The following PTPRD variants were observed in gnomAD, a reference collection of about 807,000 sequenced individuals.
PTPRD encodes the protein protein tyrosine phosphatase receptor type D.
Under a neutral mutation model 214.5 loss-of-function variants are expected in PTPRD, and 34 were observed. The ratio of observed to expected loss-of-function variants is 0.16; its 90% CI spans 0.12 to 0.21. The LOEUF (loss-of-function observed/expected upper bound fraction) is 0.21, where lower values mean the gene tolerates loss of function less well. Ranked by LOEUF, PTPRD falls within the 10% of genes least tolerant of loss-of-function variation. PTPRD has a pLI of 1.00. For missense variants in PTPRD, 2,545 were observed against 2,398.7 expected (o/e 1.06, Z -1.27); for synonymous variants, 1,128 against 845.7 (o/e 1.33, Z -5.79).
At chr9:9,235,786 C>A (rs1238501067) in intron 9 of PTPRD, among the ~76,000 whole-genome samples, 1 of 152,136 alleles carries the variant, frequency 6.6e-6, no homozygotes, top group Admixed American at 6.5e-5. Flanking sequence ...TCCTTCCTTT[C>A]CAAATTCAGA....
intron 9 of PTPRD, among the ~76,000 whole-genome samples, chr9:9,197,045 C>G (rs948837581): frequency 8.5e-5 from 13 of 152,100 alleles, no homozygotes; most frequent in African/African-American, 3.1e-4. Flanking sequence ...CACAAATGAC[C>G]AAGCATCCCC....
At chr9:9,978,336 C>T (rs2095429485) in intron 4 of PTPRD, among the ~76,000 whole-genome samples, 1 of 151,796 alleles carries the variant, frequency 6.6e-6, no homozygotes, top group African/African-American at 2.4e-5. Flanking sequence ...AGATGGGGAA[C>T]TTTAGCAGAG....
intron 2 of PTPRD, among the ~76,000 whole-genome samples, chr9:10,502,355 C>T (rs1443387140): frequency 6.6e-6 from 1 of 151,704 alleles, no homozygotes; most frequent in Non-Finnish European, 1.5e-5. Context: ...AAGCAGTATA[C>T]ATGAGTTATG....
intron 2 of PTPRD, among the ~76,000 whole-genome samples, chr9:10,467,711 G>T (rs948898866): frequency 6.6e-6 from 1 of 152,156 alleles, no homozygotes; most frequent in Non-Finnish European, 1.5e-5. Context: ...GATGCAAATT[G>T]TAATGGAGTA....
chr9:9,066,253 T>C (rs759371968), intron 10 of PTPRD, among the ~76,000 whole-genome samples: 2 of 152,170 alleles, frequency 1.3e-5, no homozygotes, highest in Non-Finnish European at 2.9e-5. Flanking sequence ...TGTTACTTCT[T>C]ATGTTTGGAA....
chr9:9,458,817 G>A (rs913783578), intron 8 of PTPRD, among the ~76,000 whole-genome samples: 1 of 152,062 alleles, frequency 6.6e-6, no homozygotes, highest in Non-Finnish European at 1.5e-5. Flanking sequence ...GTGTATGCCT[G>A]CAGTCCCAGC....
intron 11 of PTPRD, among the ~76,000 whole-genome samples, chr9:8,739,383 G>C (rs547010935): frequency 4.6e-5 from 7 of 152,282 alleles, no homozygotes; most frequent in African/African-American, 1.7e-4. Flanking sequence ...CTTTCTTCAG[G>C]ATAGAAATGT....
chr9:8,733,402 C>T (rs749866216), intron 12 of PTPRD, among the ~76,000 whole-genome samples: 1 of 152,040 alleles, frequency 6.6e-6, no homozygotes, highest in Admixed American at 6.6e-5. Flanking sequence ...ACGGAATGAT[C>T]CACAAAAATA....
At chr9:9,083,833 C>A (rs987831939) in intron 10 of PTPRD, among the ~76,000 whole-genome samples, 3 of 152,090 alleles carry the variant, frequency 2.0e-5, no homozygotes, top group Non-Finnish European at 2.9e-5. Context: ...TACAGTAATG[C>A]AAATCAAAAC....
intron 5 of PTPRD, among the ~76,000 whole-genome samples, chr9:9,790,949 C>T (rs1162409668): frequency 6.6e-6 from 1 of 152,118 alleles, no homozygotes; most frequent in Non-Finnish European, 1.5e-5. Flanking sequence ...GGTCCTATGG[C>T]ATCTTGGAAG....
chr9:9,656,269 C>T (rs1404297692), intron 7 of PTPRD, among the ~76,000 whole-genome samples: 1 of 152,056 alleles, frequency 6.6e-6, no homozygotes, highest in African/African-American at 2.4e-5. Flanking sequence ...TTAGTATTTA[C>T]CAAAATGCGT....
At chr9:9,358,392 G>C (rs1176998747) in intron 9 of PTPRD, among the ~76,000 whole-genome samples, 1 of 151,186 alleles carries the variant, frequency 6.6e-6, no homozygotes, top group African/African-American at 2.4e-5. Context: ...AATCAGAAAA[G>C]AATATACCAG....
chr9:8,932,119 T>A (rs2154282832), intron 11 of PTPRD, among the ~76,000 whole-genome samples: 1 of 152,308 alleles, frequency 6.6e-6, no homozygotes. Context: ...GCTCCTGGAT[T>A]CGTTGATTTT....
intron 4 of PTPRD, among the ~76,000 whole-genome samples, chr9:9,992,623 A>C (rs556972963): frequency 7.9e-5 from 12 of 152,330 alleles, no homozygotes; most frequent in Admixed American, 6.5e-5. Flanking sequence ...CGCAGACATA[A>C]AAAAGGATGA....
At chr9:8,500,526 A>G (rs1326742188) in intron 24 of PTPRD, among the ~76,000 whole-genome samples, 1 of 144,886 alleles carries the variant, frequency 6.9e-6, no homozygotes. Flanking sequence ...TTTTAAAGAG[A>G]AGCAAATTAC....
At chr9:9,581,242 A>G (rs1272388915) in intron 7 of PTPRD, among the ~76,000 whole-genome samples, 2 of 152,142 alleles carry the variant, frequency 1.3e-5, no homozygotes, top group Non-Finnish European at 2.9e-5. Flanking sequence ...AATTGAACTT[A>G]TGCATTATTT....
At chr9:10,212,557 G>A (rs2099522285) in intron 3 of PTPRD, among the ~76,000 whole-genome samples, 1 of 152,060 alleles carries the variant, frequency 6.6e-6, no homozygotes, top group Admixed American at 6.6e-5. Context: ...ACATCCTATA[G>A]TTTAAAAGCT....
At chr9:8,717,604 G>A (rs2098450834) in intron 12 of PTPRD, among the ~76,000 whole-genome samples, 1 of 152,122 alleles carries the variant, frequency 6.6e-6, no homozygotes, top group Admixed American at 6.6e-5. Context: ...GGGTTCCCTA[G>A]TAATTTGTAA....
At chr9:9,021,977 G>A (rs1196055793) in intron 10 of PTPRD, among the ~76,000 whole-genome samples, 39 of 151,556 alleles carry the variant, frequency 2.6e-4, no homozygotes, top group Admixed American at 6.6e-5. Flanking sequence ...ATGTAGCGGG[G>A]TGGGGGGCAA....
Sources: allele counts gnomAD v4.1 joint callset (sites outside exome capture counted in the v4.1 genomes callset), GRCh38; gene constraint gnomAD v4.1.1; transcripts MANE v1.5; gene names NCBI Gene and HGNC (gene_info 2026-07-23, HGNC 2026-07-21).